SRPK2: variants seen among roughly 807,000 people sequenced by gnomAD.
SRPK2 encodes the protein SFRS protein kinase 2.
In SRPK2, 21 loss-of-function variants were observed where a neutral mutation model predicts 90.8. The observed-to-expected ratio is 0.23, with a 90% CI of 0.16 to 0.33. The LOEUF (loss-of-function observed/expected upper bound fraction) is 0.33. Ranked by LOEUF, SRPK2 falls within the 10% of genes least tolerant of loss-of-function variation. The probability of loss-of-function intolerance (pLI) is 1.00; values close to 1 mark genes in which losing one functional copy is unlikely to be tolerated. For missense variants in SRPK2, 620 were observed against 869.0 expected (o/e 0.71, Z 3.60); for synonymous variants, 288 against 311.1 (o/e 0.93, Z 0.78).
At chr7:105,179,824 CAAAAAAAAA>C (rs1185836588) in intron 3 of SRPK2, among the ~76,000 whole-genome samples, 1 of 60,266 alleles carries the variant, frequency 1.7e-5, no homozygotes, top group Admixed American at 2.7e-4. Context: ...GAGTCCATCT[CAAAAAAAAA>C]AAAAAAAAAA....
chr7:105,153,172 T>A (rs534362500), intron 7 of SRPK2, among the ~76,000 whole-genome samples: 95 of 152,202 alleles, frequency 6.2e-4, no homozygotes, highest in African/African-American at 2.3e-3. Flanking sequence ...CAGGGAGCCA[T>A]TTCACACACA....
chr7:105,192,052 T>TCTGC (rs1491133107), intron 3 of SRPK2, among the ~76,000 whole-genome samples: 1 of 1,048 alleles, frequency 9.5e-4, no homozygotes, highest in Admixed American at 9.6e-3. Flanking sequence ...TGCTTCTGCT[T>TCTGC]TTTTTTTTTT....
chr7:105,324,116 C>T (rs1813285557), intron 2 of SRPK2, among the ~76,000 whole-genome samples: 1 of 151,208 alleles, frequency 6.6e-6, no homozygotes, highest in African/African-American at 2.4e-5. Context: ...CCTGCTTCAG[C>T]TTCCCAAGTA....
upstream of SRPK2, among the ~76,000 whole-genome samples, chr7:105,390,524 G>A (rs531857593): frequency 6.6e-6 from 1 of 151,714 alleles, no homozygotes; most frequent in East Asian, 1.9e-4. Context: ...AGCCTCCCGG[G>A]TCCAAGCCAT....
rs139159051 is a variant in SRPK2 at position 105,168,230 on chromosome 7, G to A, written c.339-135C>T. ...CCAAAACCTAAAACATTATGAGTGT[G>A]TCAACACGATGCCACAGTGTAAAAT... On this transcript the variant is annotated intron_variant, in intron 4 of 15. Transcript: ENST00000393651. 374 of 661,668 alleles carry A rather than the reference G, an allele frequency of 5.7e-4. 2 individuals are homozygous for A. The African/African-American group carries it at 6.1e-3, about 11-fold the overall frequency. The allele number at this position is 661,668 out of a possible 1,614,324, so 41.0% of individuals were successfully genotyped here. A position where few individuals can be genotyped will look rare whatever the true frequency, so the allele number is the denominator to read the frequency against.
At chr7:105,316,319 TTACTGTGCA>T (rs1471901520) in intron 2 of SRPK2, among the ~76,000 whole-genome samples, 12 of 152,298 alleles carry the variant, frequency 7.9e-5, no homozygotes, top group African/African-American at 2.6e-4. Context: ...ACCTCTCAAA[TTACTGTGCA>T]TTAAGGCCTA....
chr7:105,360,076 TA>T (rs1353450243), intron 2 of SRPK2, among the ~76,000 whole-genome samples: 2 of 152,216 alleles, frequency 1.3e-5, no homozygotes, highest in Non-Finnish European at 2.9e-5. Context: ...ATTGGGTGCA[TA>T]CAGATTTAGG....
intron 2 of SRPK2, among the ~76,000 whole-genome samples, chr7:105,246,715 T>C (rs1801709569): frequency 6.6e-6 from 1 of 152,204 alleles, no homozygotes; most frequent in Non-Finnish European, 1.5e-5. Flanking sequence ...ACCTTTTCTA[T>C]TAAAGCATAT....
intron 2 of SRPK2, among the ~76,000 whole-genome samples, chr7:105,286,465 A>G (rs1417780571): frequency 1.3e-5 from 2 of 152,222 alleles, no homozygotes; most frequent in African/African-American, 4.8e-5. Context: ...ACCGTAGTTT[A>G]TGAGGTAAAC....
intron 3 of SRPK2, 58 bp from the exon 4 acceptor site, chr7:105,169,323 A>G: frequency 2.3e-6 from 3 of 1,290,154 alleles, no homozygotes; most frequent in Non-Finnish European, 3.4e-6. Context: ...AGTAATAAAC[A>G]TTTCATCTCT....
chr7:105,145,107 C>CAAAAAAAAAAAAAAAAAAAATAA (rs1804389304), intron 9 of SRPK2, among the ~76,000 whole-genome samples, 176 bp downstream of exon 9: 1 of 107,182 alleles, frequency 9.3e-6, no homozygotes, highest in Non-Finnish European at 2.0e-5. Context: ...ACTCAGTTTT[C>CAAAAAAAAAAAAAAAAAAAATAA]AAAAAAAAAA....
chr7:105,176,707 GTA>G (rs1266524323), intron 3 of SRPK2, among the ~76,000 whole-genome samples: 45 of 37,096 alleles, frequency 1.2e-3, no homozygotes, highest in Middle Eastern at 0.015. Flanking sequence ...ATATGTATGT[GTA>G]TGTGTGTGTG....
At chr7:105,153,228 T>G (rs1287648753) in intron 7 of SRPK2, among the ~76,000 whole-genome samples, 1 of 151,890 alleles carries the variant, frequency 6.6e-6, no homozygotes, top group Admixed American at 6.6e-5. Flanking sequence ...AGACTTTGAG[T>G]TCAGCAGCAG....
chr7:105,297,526 G>T (rs1349529664), intron 2 of SRPK2: 7 of 984,412 alleles, frequency 7.1e-6, no homozygotes, highest in Non-Finnish European at 8.4e-6. Flanking sequence ...CGCCTTGGTT[G>T]TTCACTCCTA....
intron 7 of SRPK2, among the ~76,000 whole-genome samples, chr7:105,152,875 A>C (rs1335778882): frequency 1.3e-5 from 2 of 152,068 alleles, no homozygotes; most frequent in Non-Finnish European, 2.9e-5. Context: ...CTCTACTAAA[A>C]ATACAAAAAT....
rs972138043 is a variant in SRPK2 at position 105,167,423 on chromosome 7, C to G, written c.468G>C (p.Val156=). The change falls in exon 6 of 16, where the codon GTG becomes GTC. Residue 156 remains valine, a synonymous_variant. Coordinates refer to ENST00000393651, the MANE Select transcript of SRPK2 (RefSeq NM_182692.3). The part of the protein sequence containing the change: ...SDPSDPNKDM[V]VQLIDDFKIS... Reference sequence around the variant, plus strand: ...TCTTGAAGTCGTCAATGAGCTGGACCACCATGTCTTTGTTTGGGTCACTGG... The same window carrying G: ...TCTTGAAGTCGTCAATGAGCTGGACGACCATGTCTTTGTTTGGGTCACTGG... 1 of 1,613,814 alleles carries G rather than the reference C, an allele frequency of 6.2e-7. No homozygotes were observed. The highest frequency in any genetic ancestry group is 1.3e-5 in the African/African-American group (1 of 75,028).
At chr7:105,218,303 T>C (rs1050223296) in intron 2 of SRPK2, among the ~76,000 whole-genome samples, 3 of 152,182 alleles carry the variant, frequency 2.0e-5, no homozygotes, top group Non-Finnish European at 4.4e-5. Flanking sequence ...AGTTCTCAAA[T>C]AGAACTATAC....
chr7:105,203,869 GA>G, intron 2 of SRPK2, 84 bp from the exon 3 acceptor site: 19 of 1,469,644 alleles, frequency 1.3e-5, no homozygotes, highest in Non-Finnish European at 1.5e-5. Flanking sequence ...TAATATGGGG[GA>G]AAAAATAAAA....
chr7:105,141,449 A>G (rs1803761426), intron 11 of SRPK2, among the ~76,000 whole-genome samples: 1 of 152,214 alleles, frequency 6.6e-6, no homozygotes, highest in Admixed American at 6.5e-5. Flanking sequence ...TTAGGTAGAC[A>G]AGAACACAAG....
Sources: gnomAD v4.1 joint callset for allele counts (sites outside exome capture counted in the v4.1 genomes callset) on GRCh38, gnomAD v4.1.1 for gene constraint, MANE v1.5 for transcripts, NCBI Gene and HGNC (gene_info 2026-07-23, HGNC 2026-07-21) for gene names.